Variants in KLRF1 observed in about 807,000 individuals in gnomAD.
KLRF1 encodes killer cell lectin like receptor F1, also known as killer cell lectin-like receptor subfamily F member 1.
Under a neutral mutation model 30.7 loss-of-function variants are expected in KLRF1, and 27 were observed. The observed-to-expected ratio is 0.88, with a 90% CI of 0.65 to 1.21. The LOEUF is 1.21. Among genes scored for constraint, KLRF1 ranks in the 50% most tolerant of loss-of-function variants. KLRF1 has a pLI of 0.00. For missense variants in KLRF1, 246 were observed against 259.3 expected (o/e 0.95, Z 0.35); for synonymous variants, 92 against 89.3 (o/e 1.03, Z -0.17).
the KLRF1 span, among the ~76,000 whole-genome samples, chr12:9,819,657 A>T: frequency 4.9e-4 from 74 of 152,144 alleles, no homozygotes; most frequent in East Asian, 8.9e-3. Context: ...CCCCTCTGGG[A>T]TGGGGTTTCC....
chr12:9,833,832 A>G (rs992884642), intron 3 of KLRF1, among the ~76,000 whole-genome samples: 1 of 151,332 alleles, frequency 6.6e-6, no homozygotes, highest in Non-Finnish European at 1.5e-5. Flanking sequence ...TTAAGCTTAG[A>G]CTTTTAAGCT....
the KLRF1 span, among the ~76,000 whole-genome samples, chr12:9,801,345 T>A: frequency 6.6e-6 from 1 of 152,118 alleles, no homozygotes; most frequent in East Asian, 1.9e-4. Context: ...TGATTTATGC[T>A]CCTTTGGGTA....
chr12:9,821,193 G>T, the KLRF1 span, among the ~76,000 whole-genome samples: 1 of 151,966 alleles, frequency 6.6e-6, no homozygotes, highest in Non-Finnish European at 1.5e-5. Flanking sequence ...TTAATCCTCT[G>T]CTCCCCAAAA....
the KLRF1 span, among the ~76,000 whole-genome samples, chr12:9,802,172 G>T: frequency 6.6e-6 from 1 of 151,966 alleles, no homozygotes; most frequent in African/African-American, 2.4e-5. Context: ...GGGATACAAG[G>T]CTAGTTCAAC....
the KLRF1 span, among the ~76,000 whole-genome samples, chr12:9,809,895 A>G: frequency 6.6e-6 from 1 of 152,286 alleles, no homozygotes; most frequent in South Asian, 2.1e-4. Flanking sequence ...TAATGTATCA[A>G]ACAAAATCAC....
chr12:9,813,559 TC>T, the KLRF1 span, among the ~76,000 whole-genome samples: 1 of 151,922 alleles, frequency 6.6e-6, no homozygotes, highest in Non-Finnish European at 1.5e-5. Flanking sequence ...AAAACATTTT[TC>T]CCCCGAGAGA....
chr12:9,821,500 C>G, the KLRF1 span, among the ~76,000 whole-genome samples: 1 of 152,174 alleles, frequency 6.6e-6, no homozygotes, highest in Non-Finnish European at 1.5e-5. Flanking sequence ...CAGAGAAACC[C>G]TGGTTTGGGC....
At chr12:9,838,375 GTAAAT>G (rs974332170) in intron 3 of KLRF1, among the ~76,000 whole-genome samples, 3 of 152,044 alleles carry the variant, frequency 2.0e-5, no homozygotes, top group Non-Finnish European at 2.9e-5. Flanking sequence ...TTGAGGAAGG[GTAAAT>G]TAAAGAGGCA....
intron 2 of KLRF1, among the ~76,000 whole-genome samples, chr12:9,832,728 G>T (rs1357493775): frequency 6.6e-6 from 1 of 151,474 alleles, no homozygotes; most frequent in East Asian, 1.9e-4. Context: ...GTTTTTCTGT[G>T]TTTCTTGGAT....
intron 3 of KLRF1, among the ~76,000 whole-genome samples, chr12:9,834,412 T>C (rs1867523161): frequency 6.6e-6 from 1 of 151,566 alleles, no homozygotes; most frequent in Non-Finnish European, 1.5e-5. Context: ...AAAAAAAAAT[T>C]TGGGTGCGGG....
chr12:9,813,965 G>A, the KLRF1 span, among the ~76,000 whole-genome samples: 2 of 152,092 alleles, frequency 1.3e-5, no homozygotes, highest in Non-Finnish European at 2.9e-5. Context: ...TTGGAGCCCA[G>A]CCCCAACAAG....
the KLRF1 span, among the ~76,000 whole-genome samples, chr12:9,810,993 G>A: frequency 2.6e-5 from 4 of 152,148 alleles, no homozygotes; most frequent in African/African-American, 9.7e-5. Context: ...AAAAGCAGAT[G>A]TGTAGATTAA....
intron 1 of KLRF1, among the ~76,000 whole-genome samples, chr12:9,829,500 C>A (rs1179019062): frequency 6.6e-6 from 1 of 152,086 alleles, no homozygotes; most frequent in Non-Finnish European, 1.5e-5. Context: ...TGCCATTAAT[C>A]CCAGCACTTT....
chr12:9,813,220 A>G, the KLRF1 span, among the ~76,000 whole-genome samples: 1 of 152,118 alleles, frequency 6.6e-6, no homozygotes, highest in African/African-American at 2.4e-5. Flanking sequence ...TTACATATGT[A>G]TACATGTGCC....
chr12:9,807,799 A>T, the KLRF1 span, among the ~76,000 whole-genome samples: 1 of 152,090 alleles, frequency 6.6e-6, no homozygotes. Flanking sequence ...TGTTTGAAAG[A>T]TAATACAGAT....
chr12:9,821,018 C>T, the KLRF1 span, among the ~76,000 whole-genome samples: 1 of 152,130 alleles, frequency 6.6e-6, no homozygotes, highest in Non-Finnish European at 1.5e-5. Flanking sequence ...TGGGGAGAGG[C>T]TTCCAGAGGC....
At chr12:9,809,608 C>CG in the KLRF1 span, among the ~76,000 whole-genome samples, 1 of 152,184 alleles carries the variant, frequency 6.6e-6, no homozygotes, top group East Asian at 1.9e-4. Flanking sequence ...TTACTGGCTC[C>CG]AGAAGGCAGA....
At chr12:9,821,800 A>G in the KLRF1 span, among the ~76,000 whole-genome samples, 1 of 152,264 alleles carries the variant, frequency 6.6e-6, no homozygotes, top group Non-Finnish European at 1.5e-5. Context: ...GCAACTGTGA[A>G]GAAATATAAG....
chr12:9,817,124 C>T, the KLRF1 span, among the ~76,000 whole-genome samples: 16 of 151,818 alleles, frequency 1.1e-4, no homozygotes, highest in Admixed American at 9.8e-4. Flanking sequence ...TCAGATCTAC[C>T]CTGTCAAGGG....
Sources: allele counts gnomAD v4.1 joint callset (sites outside exome capture counted in the v4.1 genomes callset), GRCh38; gene constraint gnomAD v4.1.1; transcripts MANE v1.5; gene names NCBI Gene and HGNC (gene_info 2026-07-23, HGNC 2026-07-21).